CNTN4: variants seen among roughly 807,000 people sequenced by gnomAD.
CNTN4 encodes the protein contactin 4, also known as contactin-4.
CNTN4 carries 77 observed loss-of-function variants against 122.5 expected under a neutral mutation model. That is an observed-to-expected ratio of 0.63 (90% CI 0.52 to 0.76). CNTN4 has a LOEUF of 0.76. Among genes scored for constraint, CNTN4 ranks in the 30% least tolerant of loss-of-function variants. CNTN4 has a pLI of 0.00. For synonymous variants in CNTN4, 512 were observed against 447.0 expected, an observed-to-expected ratio of 1.15 and a Z score of -1.83; for missense variants, 1,256 against 1,259.1, an observed-to-expected ratio of 1.00 and a Z score of 0.04.
At chr3:2,736,707 C>T (rs2089126360) in intron 5 of CNTN4, among the ~76,000 whole-genome samples, 2 of 151,960 alleles carry the variant, frequency 1.3e-5, no homozygotes, top group Non-Finnish European at 2.9e-5. Flanking sequence ...AGGTGATCCA[C>T]CTGCTTCAGC....
chr3:2,798,013 A>G (rs1359949625), intron 6 of CNTN4, among the ~76,000 whole-genome samples: 2 of 148,976 alleles, frequency 1.3e-5, no homozygotes, highest in Non-Finnish European at 3.0e-5. Context: ...GGATTGTAGT[A>G]TAACCATCAC....
intron 13 of CNTN4, among the ~76,000 whole-genome samples, chr3:2,978,863 G>T (rs1219253984): frequency 6.6e-6 from 1 of 152,188 alleles, no homozygotes; most frequent in Admixed American, 6.5e-5. Flanking sequence ...AAGCTGAGAA[G>T]TAGTCTTACC....
intron 3 of CNTN4, among the ~76,000 whole-genome samples, chr3:2,529,362 A>G (rs1163552199): frequency 1.3e-5 from 2 of 152,204 alleles, no homozygotes; most frequent in African/African-American, 4.8e-5. Context: ...GTTGATGGAT[A>G]CTTACATTGA....
intron 3 of CNTN4, among the ~76,000 whole-genome samples, chr3:2,499,592 ATG>A (rs2076543053): frequency 6.6e-6 from 1 of 152,060 alleles, no homozygotes; most frequent in Non-Finnish European, 1.5e-5. Context: ...TCATTGATCT[ATG>A]TGTCTGTCTC....
At chr3:2,403,245 C>G (rs1390391691) in intron 3 of CNTN4, among the ~76,000 whole-genome samples, 1 of 152,092 alleles carries the variant, frequency 6.6e-6, no homozygotes, top group Non-Finnish European at 1.5e-5. Flanking sequence ...ATCCCTTACA[C>G]TAGATATAAC....
intron 3 of CNTN4, among the ~76,000 whole-genome samples, chr3:2,517,710 A>G (rs892915816): frequency 1.3e-5 from 2 of 152,158 alleles, no homozygotes; most frequent in African/African-American, 4.8e-5. Context: ...GGTCATTTGC[A>G]AGAACTTTGC....
chr3:2,416,228 C>T (rs185911403), intron 3 of CNTN4, among the ~76,000 whole-genome samples: 291 of 152,146 alleles, frequency 1.9e-3, no homozygotes, highest in African/African-American at 6.5e-3. Context: ...CCACCTGCAT[C>T]CTCCATAAAA....
chr3:2,610,981 G>A (rs1161335864), intron 4 of CNTN4, among the ~76,000 whole-genome samples: 2 of 151,846 alleles, frequency 1.3e-5, no homozygotes, highest in African/African-American at 2.4e-5. Flanking sequence ...TTTTGCCAGA[G>A]TTGTTTTCAT....
chr3:2,328,258 T>G (rs1145040), intron 2 of CNTN4, among the ~76,000 whole-genome samples: 6 of 150,288 alleles, frequency 4.0e-5, no homozygotes, highest in East Asian at 2.0e-4. Flanking sequence ...ACAAAAAAAT[T>G]AGCCGGGCGT....
intron 14 of CNTN4, among the ~76,000 whole-genome samples, chr3:3,011,429 A>C (rs1441062315): frequency 6.6e-6 from 1 of 152,122 alleles, no homozygotes; most frequent in Admixed American, 6.5e-5. Flanking sequence ...TCAGAGAGTT[A>C]ATGGAGGTCC....
chr3:2,293,016 T>C (rs1287366386), intron 2 of CNTN4, among the ~76,000 whole-genome samples: 1 of 152,214 alleles, frequency 6.6e-6, no homozygotes, highest in Non-Finnish European at 1.5e-5. Flanking sequence ...TTACCAACAA[T>C]GCATGGAGGT....
intron 4 of CNTN4, among the ~76,000 whole-genome samples, chr3:2,588,656 C>T (rs537652342): frequency 1.7e-4 from 26 of 152,112 alleles, no homozygotes; most frequent in South Asian, 6.2e-4. Context: ...TGAGCCACCA[C>T]GCCTGGCCAT....
intron 2 of CNTN4, among the ~76,000 whole-genome samples, chr3:2,327,551 T>A (rs2043515492): frequency 6.6e-6 from 1 of 152,208 alleles, no homozygotes; most frequent in Non-Finnish European, 1.5e-5. Context: ...ATTTTATATA[T>A]GTTTTACATG....
chr3:2,958,630 A>C (rs1007018849), intron 13 of CNTN4, among the ~76,000 whole-genome samples: 3 of 152,204 alleles, frequency 2.0e-5, no homozygotes, highest in Non-Finnish European at 4.4e-5. Flanking sequence ...ACAATACAGA[A>C]AGCAAGAATC....
intron 14 of CNTN4, among the ~76,000 whole-genome samples, chr3:3,002,102 C>T (rs1696102274): frequency 6.6e-6 from 1 of 152,086 alleles, no homozygotes; most frequent in Admixed American, 6.6e-5. Flanking sequence ...TGTCAACTGC[C>T]AATGAAATAG....
chr3:2,247,294 T>G (rs1467440635), intron 2 of CNTN4, among the ~76,000 whole-genome samples: 1 of 152,026 alleles, frequency 6.6e-6, no homozygotes, highest in African/African-American at 2.4e-5. Context: ...GATGCCATAG[T>G]GTGTTTATAA....
At position 2,416,723 on chromosome 3, in the gene CNTN4, A is replaced by G. The variant is rs377660910; in HGVS notation, c.-89+77490A>G. Among the ~76,000 whole-genome samples the G allele has an allele frequency of 1.0e-3, 157 of 152,058 alleles. 1 individual carries two copies. The highest frequency in any genetic ancestry group is 3.6e-3 in the African/African-American group (149 of 41,470). On this transcript the variant is annotated intron_variant, in intron 3 of 24. Coordinates refer to ENST00000418658, the MANE Select transcript of CNTN4 (RefSeq NM_175607.3). ...GGCTGGAGTGCAGTGGTGTGATCTC[A>G]GCTCACTGCAAGCTCTGCCTCTCGG...
chr3:2,573,517 A>C lies in CNTN4; in HGVS notation c.55+1959A>C, dbSNP rs550285604. On this transcript the variant is annotated intron_variant, in intron 4 of 24. Coordinates refer to ENST00000418658, the MANE Select transcript of CNTN4 (RefSeq NM_175607.3). ...ACTTCTCATAATGACTCTGGTATAAACGTACTCTTTAAGCCATAAAGCAGT... is the reference window on the plus strand; with the variant it reads ...ACTTCTCATAATGACTCTGGTATAACCGTACTCTTTAAGCCATAAAGCAGT... Among the ~76,000 whole-genome samples the C allele has an allele frequency of 2.3e-4, 35 of 152,284 alleles. 1 individual carries two copies. The South Asian group carries it at 7.3e-3, about 32-fold the overall frequency.
intron 3 of CNTN4, among the ~76,000 whole-genome samples, chr3:2,554,977 T>C (rs1206576086): frequency 1.3e-5 from 2 of 152,308 alleles, no homozygotes; most frequent in East Asian, 3.9e-4. Context: ...AATGTCATCT[T>C]ATTAAAGGCT....
Sources: gnomAD v4.1 joint callset for allele counts (sites outside exome capture counted in the v4.1 genomes callset) on GRCh38, gnomAD v4.1.1 for gene constraint, MANE v1.5 for transcripts, NCBI Gene and HGNC (gene_info 2026-07-23, HGNC 2026-07-21) for gene names.